Variants in SRFBP1 observed in about 807,000 individuals in gnomAD.
The protein encoded by SRFBP1 is serum response factor-binding protein 1.
A neutral mutation model predicts 45.5 loss-of-function variants in SRFBP1; 47 were observed. The observed-to-expected ratio is 1.03, with a 90% CI of 0.82 to 1.32. The LOEUF is 1.32. SRFBP1 is among the 40% of genes most tolerant of loss of function. The probability of loss-of-function intolerance (pLI) is 0.00; values close to 1 mark genes in which losing one functional copy is unlikely to be tolerated. For synonymous variants in SRFBP1, 203 were observed against 166.3 expected, an observed-to-expected ratio of 1.22 and a Z score of -1.70; for missense variants, 621 against 484.6, an observed-to-expected ratio of 1.28 and a Z score of -2.64.
intron 7 of SRFBP1, among the ~76,000 whole-genome samples, chr5:122,024,742 G>A (rs1397335000): frequency 6.6e-6 from 1 of 152,048 alleles, no homozygotes; most frequent in Non-Finnish European, 1.5e-5. Context: ...CACAAACACA[G>A]GATAACTGTA....
intron 7 of SRFBP1, among the ~76,000 whole-genome samples, chr5:122,025,855 C>T (rs896690985): frequency 2.6e-5 from 4 of 152,258 alleles, no homozygotes; most frequent in Non-Finnish European, 4.4e-5. Context: ...AATCCCAGCA[C>T]TTTGGGAGGC....
At chr5:121,964,808 A>C (rs564904729) in intron 1 of SRFBP1, among the ~76,000 whole-genome samples, 1 of 152,320 alleles carries the variant, frequency 6.6e-6, no homozygotes, top group African/African-American at 2.4e-5. Flanking sequence ...CACTCCCACC[A>C]ACAGTGTAAA....
chr5:121,995,582 C>A (rs1325720992), intron 4 of SRFBP1, among the ~76,000 whole-genome samples: 3 of 152,046 alleles, frequency 2.0e-5, no homozygotes, highest in Non-Finnish European at 4.4e-5. Flanking sequence ...AAAATTGACA[C>A]CCTAACATCA....
downstream of SRFBP1, among the ~76,000 whole-genome samples, chr5:122,032,577 A>G (rs1043966525): frequency 6.6e-6 from 1 of 152,198 alleles, no homozygotes; most frequent in Non-Finnish European, 1.5e-5. Flanking sequence ...TATCCTGGCA[A>G]TCACTGCAGA....
chr5:122,033,086 G>A (rs1183632349), downstream of SRFBP1, among the ~76,000 whole-genome samples: 1 of 151,488 alleles, frequency 6.6e-6, no homozygotes, highest in Non-Finnish European at 1.5e-5. Flanking sequence ...GAGGATAGTT[G>A]AATACTTTTT....
intron 4 of SRFBP1, among the ~76,000 whole-genome samples, chr5:122,004,587 T>C (rs548172970): frequency 6.6e-6 from 1 of 152,264 alleles, no homozygotes; most frequent in East Asian, 1.9e-4. Flanking sequence ...TATAGGTTTA[T>C]AGTTTTATAT....
intron 3 of SRFBP1, among the ~76,000 whole-genome samples, chr5:121,983,755 T>C (rs1438066324): frequency 1.3e-5 from 2 of 151,768 alleles, no homozygotes; most frequent in African/African-American, 4.8e-5. Flanking sequence ...AGCTTGGAAC[T>C]AAAGTGAGAC....
intron 7 of SRFBP1, among the ~76,000 whole-genome samples, 157 bp downstream of exon 7, chr5:122,022,564 GT>G (rs1753383902): frequency 1.3e-5 from 2 of 152,038 alleles, no homozygotes; most frequent in African/African-American, 4.8e-5. Flanking sequence ...ATAATTTTTT[GT>G]TGTTGGTTTT....
chr5:122,051,776 T>C (rs1471682162), intron 2 of SRFBP1, among the ~76,000 whole-genome samples: 1 of 152,212 alleles, frequency 6.6e-6, no homozygotes, highest in Non-Finnish European at 1.5e-5. Flanking sequence ...TTGATATGTG[T>C]GGATTTGATC....
At chr5:122,006,480 C>T (rs1752977503) in intron 4 of SRFBP1, among the ~76,000 whole-genome samples, 1 of 151,580 alleles carries the variant, frequency 6.6e-6, no homozygotes, top group South Asian at 2.1e-4. Context: ...TTTATGTAAG[C>T]ATTCTGCCCC....
intron 2 of SRFBP1, among the ~76,000 whole-genome samples, chr5:122,043,859 ATTTAACT>A (rs1248376601): frequency 1.3e-5 from 2 of 152,052 alleles, no homozygotes; most frequent in Non-Finnish European, 2.9e-5. Context: ...AATTTTTTTT[ATTTAACT>A]TTTAAGTTTT....
intron 6 of SRFBP1, 80 bp from the exon 7 acceptor site, chr5:122,022,290 T>A: frequency 8.2e-7 from 1 of 1,224,908 alleles, no homozygotes; most frequent in Non-Finnish European, 1.2e-6. Context: ...ATTAGTTTTA[T>A]CATCAATTTT....
rs1325526674 is a variant in SRFBP1 at position 122,026,928 on chromosome 5, C to G, written c.1106-14C>G. 1 of 1,579,890 alleles carries G rather than the reference C, an allele frequency of 6.3e-7. No individual in the cohort carries two copies. The highest frequency in any genetic ancestry group is 8.6e-7 in the Non-Finnish European group (1 of 1,161,844). Reference sequence around the variant, plus strand: ...AAGTATATAGTTATTATTATTTTTGCTTTCTCTTCCTAGATTTTCCACAGA... The same window carrying G: ...AAGTATATAGTTATTATTATTTTTGGTTTCTCTTCCTAGATTTTCCACAGA... On this transcript the variant is annotated splice_polypyrimidine_tract_variant and intron_variant, in intron 7 of 7. Transcript: ENST00000339397.
chr5:121,975,798 A>T (rs1438243672), intron 3 of SRFBP1, among the ~76,000 whole-genome samples: 2 of 151,820 alleles, frequency 1.3e-5, no homozygotes, highest in African/African-American at 4.8e-5. Context: ...ATAAATTTTT[A>T]TGTATTGGTA....
rs141861607 is a variant in SRFBP1 at position 122,042,686 on chromosome 5, T to C, written n.311+20279T>C. ...TCCTAAGGAAGGTATGTATTTTTTC[T>C]TTGTGTGCTCTTTTAGCCATATCCC... On this transcript the variant is annotated intron_variant and non_coding_transcript_variant, in intron 2 of 2. Coordinates refer to the SRFBP1 transcript ENST00000504881. Among the ~76,000 whole-genome samples the C allele has an allele frequency of 1.7e-3, 261 of 152,358 alleles. 2 individuals carry two copies. The highest frequency in any genetic ancestry group is 5.9e-3 in the African/African-American group (246 of 41,590).
intron 2 of SRFBP1, among the ~76,000 whole-genome samples, chr5:122,051,789 GTCA>G (rs1753988152): frequency 2.0e-5 from 3 of 152,078 alleles, no homozygotes; most frequent in Non-Finnish European, 4.4e-5. Context: ...ATTTGATCCT[GTCA>G]TCATGTTCTT....
chr5:122,069,924 T>C, intron 2 of SRFBP1: 1 of 765,840 alleles, frequency 1.3e-6, no homozygotes, highest in Non-Finnish European at 2.4e-6. Context: ...TGCATACCAT[T>C]TTCTGCCTTT....
At chr5:121,976,136 C>CAA (rs139110642) in intron 3 of SRFBP1, among the ~76,000 whole-genome samples, 5,628 of 152,060 alleles carry the variant, frequency 0.037, 293 homozygotes, top group African/African-American at 0.11. Context: ...AACTCTCTAA[C>CAA]TATTTTAATT....
At chr5:121,964,229 G>A (rs1441214286) in intron 1 of SRFBP1, among the ~76,000 whole-genome samples, 2 of 151,756 alleles carry the variant, frequency 1.3e-5, no homozygotes, top group African/African-American at 2.4e-5. Flanking sequence ...AAGTTCTGGG[G>A]TACATGTGCA....
Sources: allele counts gnomAD v4.1 joint callset (sites outside exome capture counted in the v4.1 genomes callset), GRCh38; gene constraint gnomAD v4.1.1; transcripts MANE v1.5; gene names NCBI Gene and HGNC (gene_info 2026-07-23, HGNC 2026-07-21).